Variants in STAU2 observed in about 807,000 individuals in gnomAD.
STAU2 encodes the protein double-stranded RNA-binding protein Staufen homolog 2.
STAU2 carries 20 observed loss-of-function variants against 65.9 expected under a neutral mutation model. The observed-to-expected ratio is 0.30, with a 90% CI of 0.21 to 0.44. The LOEUF (loss-of-function observed/expected upper bound fraction) is 0.44, where lower values mean the gene tolerates loss of function less well. Among genes scored for constraint, STAU2 ranks in the 20% least tolerant of loss-of-function variants. STAU2 has a pLI of 1.00. For missense variants in STAU2, 558 were observed against 683.9 expected (o/e 0.82, Z 2.05); for synonymous variants, 232 against 233.9 (o/e 0.99, Z 0.07).
At chr8:73,592,337 TA>T (rs918642355) in intron 11 of STAU2, among the ~76,000 whole-genome samples, 2 of 151,946 alleles carry the variant, frequency 1.3e-5, no homozygotes, top group African/African-American at 4.8e-5. Context: ...TTGCCACTAT[TA>T]AAAGAAAAAG....
intron 3 of STAU2, among the ~76,000 whole-genome samples, chr8:73,735,062 T>C (rs1210039819): frequency 6.6e-6 from 1 of 152,090 alleles, no homozygotes; most frequent in Admixed American, 6.5e-5. Context: ...GCCTCCCAAG[T>C]AGCTGAGACT....
At chr8:73,673,032 T>C in intron 6 of STAU2, 75 bp downstream of exon 6, 1 of 1,325,882 alleles carries the variant, frequency 7.5e-7, no homozygotes, top group African/African-American at 1.5e-5. Context: ...ATGAAAATAC[T>C]CTTTTGAGTG....
chr8:73,462,581 A>G, intron 13 of STAU2, among the ~76,000 whole-genome samples: 1 of 151,450 alleles, frequency 6.6e-6, no homozygotes, highest in South Asian at 2.1e-4. Flanking sequence ...TTTTTTTTAT[A>G]GAGAAAGGGT....
In STAU2 at chr8:73,698,936, AGAG is replaced by A. The variant is rs1299785251; in HGVS notation, c.114+10093_114+10095del. On this transcript the variant is annotated intron_variant, in intron 4 of 14. Transcript: ENST00000524300. ...GTCTTAAAACATTAAAAAAAAAAAA[AGAG>A]AGAGAGAGAGAAAAAGAAAAAAGAA... Among the ~76,000 whole-genome samples, 91 of 58,150 alleles carry A rather than the reference AGAG, an allele frequency of 1.6e-3. 1 individual carries two copies. Among genetic ancestry groups the A allele is most frequent in the Middle Eastern group, 9.3e-3 (1 of 108 alleles). The allele number at this position is 58,150 out of a possible 152,430, so 38.1% of individuals were successfully genotyped here. A position where few individuals can be genotyped will look rare whatever the true frequency, so the allele number is the denominator to read the frequency against.
At chr8:73,512,086 ACT>A (rs1822438673) in intron 13 of STAU2, among the ~76,000 whole-genome samples, 1 of 152,112 alleles carries the variant, frequency 6.6e-6, no homozygotes, top group Non-Finnish European at 1.5e-5. Flanking sequence ...TCATTTCTGG[ACT>A]CTCAATTCTG....
At chr8:73,512,888 A>G (rs73686987) in intron 13 of STAU2, among the ~76,000 whole-genome samples, 18,274 of 152,094 alleles carry the variant, frequency 0.12, 1,695 homozygotes, top group African/African-American at 0.26. Flanking sequence ...TAAATAATTT[A>G]TCTTGAGATT....
intron 6 of STAU2, among the ~76,000 whole-genome samples, chr8:73,648,669 A>G (rs954149957): frequency 6.6e-6 from 1 of 152,144 alleles, no homozygotes; most frequent in African/African-American, 2.4e-5. Context: ...AATACCCAAC[A>G]TGCAATTTTC....
At chr8:73,670,324 T>C (rs1318368595) in intron 6 of STAU2, 1 of 151,918 alleles carries the variant, frequency 6.6e-6, no homozygotes, top group Non-Finnish European at 1.5e-5. Flanking sequence ...GCTGAGGGTT[T>C]AGGCCCATTA....
At chr8:73,723,875 A>G (rs945500638) in intron 3 of STAU2, among the ~76,000 whole-genome samples, 12 of 152,248 alleles carry the variant, frequency 7.9e-5, no homozygotes, top group Admixed American at 7.9e-4. Context: ...CTTTGCATAC[A>G]TGGTAATCTT....
intron 13 of STAU2, among the ~76,000 whole-genome samples, chr8:73,446,439 TG>T (rs1295758717): frequency 9.2e-5 from 14 of 152,306 alleles, no homozygotes; most frequent in African/African-American, 3.1e-4. Context: ...TCTACTAATA[TG>T]GATCTCCAGG....
intron 3 of STAU2, among the ~76,000 whole-genome samples, chr8:73,710,487 T>C (rs1180686051): frequency 4.6e-5 from 7 of 152,032 alleles, no homozygotes; most frequent in Admixed American, 2.6e-4. Flanking sequence ...ATGATTTTAC[T>C]TAAACTCACT....
Position 73,603,717 on chromosome 8 carries a change from TAG to T in STAU2, c.1029+7_1029+8del, listed in dbSNP as rs1405569174. The T allele has an allele frequency of 2.5e-6, 4 of 1,609,258 alleles. No homozygotes were observed. The highest frequency in any genetic ancestry group is 3.4e-6 in the Non-Finnish European group (4 of 1,179,224). ...AATCTTTTCAATAGTTTTAAAAGGTTAGAAATACCTGCATCACAAATTCTCGA... is the reference window on the plus strand; with the variant it reads ...AATCTTTTCAATAGTTTTAAAAGGTTAAATACCTGCATCACAAATTCTCGA... On this transcript the variant is annotated splice_region_variant and intron_variant, in intron 10 of 14. Transcript: ENST00000524300.
At chr8:73,578,673 A>C (rs908913854) in intron 12 of STAU2, among the ~76,000 whole-genome samples, 1 of 152,196 alleles carries the variant, frequency 6.6e-6, no homozygotes, top group African/African-American at 2.4e-5. Flanking sequence ...ATATTCAGGG[A>C]CTGGGCTGCC....
At chr8:73,483,259 CA>C (rs1489876846) in intron 13 of STAU2, among the ~76,000 whole-genome samples, 2 of 151,872 alleles carry the variant, frequency 1.3e-5, no homozygotes, top group Non-Finnish European at 2.9e-5. Flanking sequence ...AAAATAAAAC[CA>C]AAAAGCATGT....
chr8:73,510,948 T>C (rs367852703), intron 13 of STAU2, among the ~76,000 whole-genome samples: 4 of 152,344 alleles, frequency 2.6e-5, no homozygotes, highest in South Asian at 4.1e-4. Context: ...TTAAGTAGAA[T>C]CATCTCTGCC....
rs573684767 is a variant in STAU2 at position 73,503,120 on chromosome 8, G to T, written c.1530+48892C>A. Among the ~76,000 whole-genome samples, 164 of 152,210 alleles carry T rather than the reference G, an allele frequency of 1.1e-3. 1 individual carries two copies. The South Asian group carries it at 0.017, about 16-fold the overall frequency. ...ATGAGACAGCAGAAGCCCATAACAA[G>T]ACTGATGTCAGGAGCTAAGCAAAAG... On this transcript the variant is annotated intron_variant, in intron 13 of 14. Coordinates refer to ENST00000524300, the MANE Select transcript of STAU2 (RefSeq NM_001164380.2).
chr8:73,686,218 T>A (rs1457187727), intron 5 of STAU2, among the ~76,000 whole-genome samples: 1 of 152,068 alleles, frequency 6.6e-6, no homozygotes, highest in East Asian at 1.9e-4. Flanking sequence ...ATGGAGACCA[T>A]CCTGGCTAAC....
intron 13 of STAU2, among the ~76,000 whole-genome samples, chr8:73,522,327 TAGTG>T (rs1823085880): frequency 6.6e-6 from 1 of 152,154 alleles, no homozygotes; most frequent in African/African-American, 2.4e-5. Flanking sequence ...GAATAATACT[TAGTG>T]AGTTATATCA....
chr8:73,568,625 C>T (rs144127683), intron 12 of STAU2, among the ~76,000 whole-genome samples: 257 of 151,568 alleles, frequency 1.7e-3, no homozygotes, highest in African/African-American at 5.7e-3. Context: ...AAAAAGACAA[C>T]GATTAAAACT....
Sources: gnomAD v4.1 joint callset for allele counts (sites outside exome capture counted in the v4.1 genomes callset) on GRCh38, gnomAD v4.1.1 for gene constraint, MANE v1.5 for transcripts, NCBI Gene and HGNC (gene_info 2026-07-23, HGNC 2026-07-21) for gene names.